BEND6: variants seen among roughly 807,000 people sequenced by gnomAD.
BEND6 encodes the protein BEN domain containing 6.
Under a neutral mutation model 31.8 loss-of-function variants are expected in BEND6, and 24 were observed. That is an observed-to-expected ratio of 0.75 (90% CI 0.55 to 1.06). The LOEUF (loss-of-function observed/expected upper bound fraction) is 1.06, where lower values mean the gene tolerates loss of function less well. Among genes scored for constraint, BEND6 ranks in the 50% least tolerant of loss-of-function variants. The pLI, the probability that BEND6 is intolerant of heterozygous loss-of-function variation, is 0.00. For missense variants in BEND6, 294 were observed against 327.4 expected, an observed-to-expected ratio of 0.90 and a Z score of 0.79; for synonymous variants, 109 against 114.6, an observed-to-expected ratio of 0.95 and a Z score of 0.31.
intron 3 of BEND6, among the ~76,000 whole-genome samples, chr6:57,011,115 A>G (rs997079833): frequency 6.6e-6 from 1 of 152,220 alleles, no homozygotes; most frequent in Non-Finnish European, 1.5e-5. Context: ...CAATAAACAA[A>G]TTATATTTAA....
intron 3 of BEND6, chr6:57,010,603 AG>A: frequency 5.1e-6 from 4 of 783,060 alleles, no homozygotes; most frequent in Non-Finnish European, 4.6e-6. Flanking sequence ...AAAGGGGATC[AG>A]GGTATAAGTG....
chr6:57,019,203 C>T (rs975441211), intron 6 of BEND6, among the ~76,000 whole-genome samples: 1 of 152,176 alleles, frequency 6.6e-6, no homozygotes, highest in Admixed American at 6.5e-5. Flanking sequence ...AGTGAGAGTT[C>T]TAAAGTAAAT....
intron 2 of BEND6, among the ~76,000 whole-genome samples, chr6:56,988,436 A>C (rs906972471): frequency 6.6e-6 from 1 of 152,170 alleles, no homozygotes; most frequent in African/African-American, 2.4e-5. Context: ...AAGAGAAATG[A>C]AGAAAGGAGA....
chr6:56,965,389 T>C (rs555710106), intron 1 of BEND6, among the ~76,000 whole-genome samples: 20 of 152,194 alleles, frequency 1.3e-4, no homozygotes, highest in Middle Eastern at 6.8e-3. Context: ...ATGGAGATAA[T>C]GGTGAATGGT....
intron 1 of BEND6, among the ~76,000 whole-genome samples, chr6:56,959,948 T>C (rs1825230581): frequency 6.6e-6 from 1 of 152,170 alleles, no homozygotes; most frequent in Non-Finnish European, 1.5e-5. Flanking sequence ...GGGAGTTCTT[T>C]TTGGGTGTGT....
At chr6:56,968,947 C>T (rs754787914) in intron 1 of BEND6, among the ~76,000 whole-genome samples, 8 of 151,788 alleles carry the variant, frequency 5.3e-5, no homozygotes, top group Admixed American at 2.0e-4. Flanking sequence ...TGGTGGCAGG[C>T]GCCAGTAATC....
At chr6:56,973,644 C>G (rs1034632272) in intron 1 of BEND6, among the ~76,000 whole-genome samples, 9 of 152,198 alleles carry the variant, frequency 5.9e-5, no homozygotes, top group African/African-American at 1.7e-4. Context: ...GAAGGCTACT[C>G]TAGTGTATAC....
At chr6:56,965,435 G>C (rs1447790474) in intron 1 of BEND6, among the ~76,000 whole-genome samples, 2 of 152,016 alleles carry the variant, frequency 1.3e-5, no homozygotes, top group East Asian at 3.8e-4. Context: ...TATTAGGCCA[G>C]GCATGGTGGC....
intron 2 of BEND6, among the ~76,000 whole-genome samples, chr6:56,987,264 G>C (rs1826317373): frequency 6.6e-6 from 1 of 152,118 alleles, no homozygotes; most frequent in Non-Finnish European, 1.5e-5. Context: ...ACAGTCGTGA[G>C]CCACTGTGCC....
Position 57,027,103 on chromosome 6 carries a change from G to A in BEND6, c.*1031G>A, listed in dbSNP as rs779463737. On this transcript the variant is annotated 3_prime_UTR_variant, in exon 7 of 7. Coordinates refer to ENST00000370746, the MANE Select transcript of BEND6 (RefSeq NM_152731.3). ...CAAAAGGCTTCTCGCTTGGTGTCAG[G>A]TTGTCACATGTGACCACTGTGCAAT... is the stretch of plus-strand genomic sequence containing the variant. 1 of 152,196 alleles carries A rather than the reference G, an allele frequency of 6.6e-6. No individual in the cohort carries two copies. The highest frequency in any genetic ancestry group is 1.5e-5 in the Non-Finnish European group (1 of 68,040). 9.4% of individuals were successfully genotyped at this position (152,196 alleles called of 1,614,324 possible).
intron 3 of BEND6, 64 bp from the exon 4 acceptor site, chr6:57,015,069 A>T: frequency 1.1e-5 from 15 of 1,411,382 alleles, no homozygotes; most frequent in Non-Finnish European, 1.5e-5. Context: ...TCAACAAAAA[A>T]ATATGTACAT....
chr6:57,002,048 A>AG (rs1826964898), intron 3 of BEND6, among the ~76,000 whole-genome samples: 2 of 152,364 alleles, frequency 1.3e-5, no homozygotes, highest in South Asian at 4.1e-4. Context: ...AAAGAAGAGC[A>AG]GGGGTCGTGA....
chr6:56,990,411 T>C (rs888545953), intron 2 of BEND6, among the ~76,000 whole-genome samples: 1 of 151,976 alleles, frequency 6.6e-6, no homozygotes, highest in African/African-American at 2.4e-5. Context: ...CACGACTGGA[T>C]AATTTTTGTA....
rs571316800 is a variant in BEND6, at chr6:57,004,635, G to A, written c.299-10498G>A. ...CTGGAGCTCTACCCCTCCTACGTGG[G>A]CTGAATGCAATGGAGTGGGCATTAC... On this transcript the variant is annotated intron_variant, in intron 3 of 6. Coordinates refer to ENST00000370746, the MANE Select transcript of BEND6 (RefSeq NM_152731.3). The A allele has an allele frequency of 1.4e-5, 16 of 1,119,722 alleles. No homozygotes were observed. The South Asian group carries it at 1.8e-4, about 13-fold the overall frequency. 69.4% of individuals were successfully genotyped at this position (1,119,722 alleles called of 1,614,324 possible).
intron 3 of BEND6, among the ~76,000 whole-genome samples, chr6:57,003,820 A>G (rs982992040): frequency 6.6e-6 from 1 of 152,240 alleles, no homozygotes; most frequent in Non-Finnish European, 1.5e-5. Flanking sequence ...CACATCAAAA[A>G]GTTAATTCAC....
intron 2 of BEND6, among the ~76,000 whole-genome samples, chr6:56,984,056 C>CA (rs958635288): frequency 1.3e-5 from 2 of 151,458 alleles, no homozygotes; most frequent in Non-Finnish European, 2.9e-5. Flanking sequence ...CTCTCTCTAC[C>CA]AAAAAAAATT....
chr6:56,968,648 A>G (rs1189429224), intron 1 of BEND6, among the ~76,000 whole-genome samples: 3 of 151,834 alleles, frequency 2.0e-5, no homozygotes, highest in Admixed American at 6.6e-5. Context: ...CTCCTACATA[A>G]TCTCTAATCC....
chr6:57,012,928 C>T (rs1035647611), intron 3 of BEND6, among the ~76,000 whole-genome samples: 2 of 152,086 alleles, frequency 1.3e-5, no homozygotes, highest in African/African-American at 4.8e-5. Flanking sequence ...CCTCTAACGA[C>T]CCCCTCATTC....
At chr6:56,968,312 CTTTTTTTTTT>C (rs779756084) in intron 1 of BEND6, among the ~76,000 whole-genome samples, 4 of 65,982 alleles carry the variant, frequency 6.1e-5, no homozygotes, top group Middle Eastern at 0.019. Flanking sequence ...TCTTTCTTTT[CTTTTTTTTTT>C]TTTTTTTTTT....
Sources: gnomAD v4.1 joint callset for allele counts (sites outside exome capture counted in the v4.1 genomes callset) on GRCh38, gnomAD v4.1.1 for gene constraint, MANE v1.5 for transcripts, NCBI Gene and HGNC (gene_info 2026-07-23, HGNC 2026-07-21) for gene names.